The following ACYP2 variants were observed in gnomAD, a reference collection of about 807,000 sequenced individuals.
ACYP2 encodes the protein acylphosphatase 2.
In ACYP2, 12 loss-of-function variants were observed where a neutral mutation model predicts 11.2. The ratio of observed to expected loss-of-function variants is 1.08; its 90% CI spans 0.69 to 1.74. The LOEUF is 1.74. ACYP2 is among the 40% of genes most tolerant of loss of function. ACYP2 has a pLI of 0.00. For missense variants in ACYP2, 134 were observed against 101.9 expected (o/e 1.31, Z -1.35); for synonymous variants, 43 against 32.2 (o/e 1.33, Z -1.13).
intron 2 of ACYP2, among the ~76,000 whole-genome samples, chr2:54,044,177 A>G (rs918211115): frequency 1.3e-5 from 2 of 152,212 alleles, no homozygotes; most frequent in African/African-American, 4.8e-5. Context: ...GTTACTCCAT[A>G]CACACCACAA....
intron 6 of ACYP2, 41 bp downstream of exon 3, chr2:54,138,789 G>C (rs763036445): frequency 6.5e-7 from 1 of 1,548,358 alleles, no homozygotes; most frequent in Non-Finnish European, 8.9e-7. Context: ...AAATTTATGA[G>C]GCTGCTGTTT....
intron 6 of ACYP2, chr2:54,223,179 C>T (rs976026406): frequency 3.9e-5 from 6 of 152,176 alleles, no homozygotes; most frequent in African/African-American, 1.4e-4. Flanking sequence ...ATCAGTCAGA[C>T]AGCCCCCATT....
At chr2:54,249,746 G>A (rs1041230696) in intron 6 of ACYP2, among the ~76,000 whole-genome samples, 1 of 151,988 alleles carries the variant, frequency 6.6e-6, no homozygotes, top group Admixed American at 6.6e-5. Context: ...TGCAAGATGA[G>A]CTTGGGCAAC....
intron 2 of ACYP2, among the ~76,000 whole-genome samples, chr2:53,993,930 A>G (rs1431747676): frequency 6.6e-6 from 1 of 152,174 alleles, no homozygotes; most frequent in African/African-American, 2.4e-5. Flanking sequence ...TCACGCCTGT[A>G]ATCCCAGCGC....
Position 53,971,132 on chromosome 2 carries a change from C to T in ACYP2, c.-226C>T, listed in dbSNP as rs575422157. The T allele has an allele frequency of 1.2e-3, 279 of 229,252 alleles. No individual in the cohort carries two copies. The highest frequency in any genetic ancestry group is 6.0e-3 in the African/African-American group (264 of 44,144). The allele number at this position is 229,252 out of a possible 1,614,324, so 14.2% of individuals were successfully genotyped here. A position where few individuals can be genotyped will look rare whatever the true frequency, so the allele number is the denominator to read the frequency against. ...GGCGGTGGTGGCGGCAGCTGGAGCC[C>T]AACGGGCTGCGCCTTCTTCGCCGTG... On this transcript the variant is annotated 5_prime_UTR_variant, in exon 1 of 7. Coordinates refer to ENST00000607452, the MANE Select transcript of ACYP2 (RefSeq NM_001320586.2).
intron 6 of ACYP2, among the ~76,000 whole-genome samples, chr2:54,156,529 C>T (rs532119618): frequency 3.3e-5 from 5 of 152,296 alleles, no homozygotes; most frequent in African/African-American, 1.2e-4. Context: ...TTTTCTGTTC[C>T]TGTGTTAGTG....
chr2:54,135,557 T>G, intron 5 of ACYP2, 88 bp downstream of exon 2: 7 of 1,067,268 alleles, frequency 6.6e-6, no homozygotes, highest in Non-Finnish European at 9.8e-6. Flanking sequence ...TACTTGGCGC[T>G]AGTCTACTGT....
chr2:54,263,531 G>T (rs940665209), intron 6 of ACYP2, among the ~76,000 whole-genome samples: 3 of 152,210 alleles, frequency 2.0e-5, no homozygotes, highest in African/African-American at 7.2e-5. Flanking sequence ...GGCTGAGATG[G>T]GAGGATCGCT....
intron 4 of ACYP2, among the ~76,000 whole-genome samples, chr2:54,066,876 G>C (rs535860816): frequency 6.6e-6 from 1 of 152,246 alleles, no homozygotes; most frequent in African/African-American, 2.4e-5. Flanking sequence ...ATGAGAAAAA[G>C]GATCAGAAGC....
At chr2:54,294,159 A>G (rs1689426317) in intron 6 of ACYP2, among the ~76,000 whole-genome samples, 1 of 152,322 alleles carries the variant, frequency 6.6e-6, no homozygotes, top group South Asian at 2.1e-4. Flanking sequence ...TAGAACTACT[A>G]TGAATTATTG....
intron 2 of ACYP2, among the ~76,000 whole-genome samples, chr2:53,980,110 A>C (rs574699147): frequency 8.5e-5 from 13 of 152,182 alleles, no homozygotes; most frequent in Non-Finnish European, 1.9e-4. Context: ...TGTGAGGCCA[A>C]GGCAGGAGGA....
chr2:54,089,234 C>T (rs773934901), intron 4 of ACYP2, among the ~76,000 whole-genome samples: 23 of 152,040 alleles, frequency 1.5e-4, no homozygotes, highest in Non-Finnish European at 2.8e-4. Context: ...AGTCAATGAA[C>T]CTTGAATAAC....
chr2:54,138,416 A>G (rs1259284860), intron 5 of ACYP2, among the ~76,000 whole-genome samples: 1 of 152,214 alleles, frequency 6.6e-6, no homozygotes, highest in Non-Finnish European at 1.5e-5. Context: ...TAATGTTTTT[A>G]TGATAGTGGA....
chr2:54,244,019 G>T (rs116187426), intron 6 of ACYP2, among the ~76,000 whole-genome samples: 2,974 of 151,520 alleles, frequency 0.02, 90 homozygotes, highest in African/African-American at 0.069. Flanking sequence ...AGTTTCCTTT[G>T]TTTTCTTCTA....
At chr2:54,135,192 A>G (rs1681149741) in intron 4 of ACYP2, among the ~76,000 whole-genome samples, 1 of 151,520 alleles carries the variant, frequency 6.6e-6, no homozygotes, top group Admixed American at 6.6e-5. Context: ...TCTGCTGGAC[A>G]AAGGGATAAT....
chr2:54,289,177 C>CA (rs1689201221), intron 6 of ACYP2, among the ~76,000 whole-genome samples: 1 of 151,944 alleles, frequency 6.6e-6, no homozygotes, highest in African/African-American at 2.4e-5. Context: ...CAACCTCTTC[C>CA]ATGAAATGTT....
At chr2:54,175,083 A>G (rs149139989) in intron 6 of ACYP2, among the ~76,000 whole-genome samples, 27,277 of 152,078 alleles carry the variant, frequency 0.18, 2,584 homozygotes, top group East Asian at 0.42. Context: ...TCTATTGATT[A>G]GAATAGTTTC....
intron 6 of ACYP2, among the ~76,000 whole-genome samples, chr2:54,237,620 G>C (rs563954891): frequency 6.6e-6 from 1 of 152,144 alleles, no homozygotes; most frequent in South Asian, 2.1e-4. Context: ...CAAGAAGTCA[G>C]CTGTCAGTCT....
intron 2 of ACYP2, among the ~76,000 whole-genome samples, chr2:54,033,965 A>T (rs974057428): frequency 6.6e-6 from 1 of 152,268 alleles, no homozygotes; most frequent in African/African-American, 2.4e-5. Context: ...AAATACAGTT[A>T]TGTGTCACAT....
Sources: allele counts gnomAD v4.1 joint callset (sites outside exome capture counted in the v4.1 genomes callset), GRCh38; gene constraint gnomAD v4.1.1; transcripts MANE v1.5; gene names NCBI Gene and HGNC (gene_info 2026-07-23, HGNC 2026-07-21).